The following CADM2 variants were observed in gnomAD, a reference collection of about 807,000 sequenced individuals.
CADM2 encodes the protein cell adhesion molecule 2.
Under a neutral mutation model 49.8 loss-of-function variants are expected in CADM2, and 12 were observed. The ratio of observed to expected loss-of-function variants is 0.24; its 90% CI spans 0.15 to 0.39. The LOEUF is 0.39. CADM2 is among the 10% of genes least tolerant of loss of function. The probability of loss-of-function intolerance (pLI) is 1.00; values close to 1 mark genes in which losing one functional copy is unlikely to be tolerated. For synonymous variants in CADM2, 214 were observed against 175.4 expected, an observed-to-expected ratio of 1.22 and a Z score of -1.74; for missense variants, 378 against 492.3, an observed-to-expected ratio of 0.77 and a Z score of 2.20.
chr3:85,288,715 G>GT (rs2043697012), intron 1 of CADM2, among the ~76,000 whole-genome samples: 2 of 148,186 alleles, frequency 1.3e-5, no homozygotes, highest in African/African-American at 2.5e-5. Context: ...CAGTGTTGGT[G>GT]TATATTCCTT....
At chr3:85,995,099 C>A (rs112953732) in intron 8 of CADM2, among the ~76,000 whole-genome samples, 19 of 148,316 alleles carry the variant, frequency 1.3e-4, no homozygotes, top group African/African-American at 4.7e-4. Context: ...CACAAACAGA[C>A]AACAGCTGTT....
chr3:85,060,337 T>C (rs1258599044), intron 1 of CADM2, among the ~76,000 whole-genome samples: 2 of 151,768 alleles, frequency 1.3e-5, no homozygotes, highest in African/African-American at 4.8e-5. Flanking sequence ...AGGTTGGCCA[T>C]GCTGGTCTCG....
intron 1 of CADM2, among the ~76,000 whole-genome samples, chr3:85,433,506 C>T (rs549343119): frequency 6.6e-5 from 10 of 151,980 alleles, no homozygotes; most frequent in East Asian, 1.9e-4. Flanking sequence ...TGTGACTACC[C>T]GCCTGGAAAG....
chr3:85,962,643 G>T (rs4496477), intron 8 of CADM2, among the ~76,000 whole-genome samples: 1,685 of 151,872 alleles, frequency 0.011, 25 homozygotes, highest in African/African-American at 0.037. Flanking sequence ...GATGAATATT[G>T]CAATAAACAA....
chr3:85,534,562 T>A (rs2061386059), intron 1 of CADM2, among the ~76,000 whole-genome samples: 1 of 152,210 alleles, frequency 6.6e-6, no homozygotes, highest in Non-Finnish European at 1.5e-5. Context: ...CAGTATTATC[T>A]AAGACTGCTT....
intron 9 of CADM2, 108 bp downstream of exon 9, chr3:86,065,838 G>A (rs1205523910): frequency 2.9e-6 from 3 of 1,017,746 alleles, no homozygotes; most frequent in Non-Finnish European, 4.1e-6. Context: ...GTGTAGAATA[G>A]GGAGATAGAG....
At chr3:85,123,411 G>A (rs2038928874) in intron 1 of CADM2, among the ~76,000 whole-genome samples, 2 of 151,908 alleles carry the variant, frequency 1.3e-5, no homozygotes, top group South Asian at 4.1e-4. Context: ...AATCTTTTTT[G>A]GTGTAGGCTG....
intron 3 of CADM2, among the ~76,000 whole-genome samples, chr3:85,843,439 A>T (rs563551054): frequency 1.1e-4 from 17 of 151,840 alleles, no homozygotes; most frequent in African/African-American, 3.6e-4. Flanking sequence ...AATAGGATAT[A>T]TGGTGATTCT....
chr3:85,629,869 AT>A (rs1365873053), intron 1 of CADM2, among the ~76,000 whole-genome samples: 1 of 151,962 alleles, frequency 6.6e-6, no homozygotes, highest in Non-Finnish European at 1.5e-5. Flanking sequence ...AAACTTCTCA[AT>A]TTTTTCATGT....
chr3:85,206,690 T>C (rs1204833505), intron 1 of CADM2, among the ~76,000 whole-genome samples: 1 of 152,182 alleles, frequency 6.6e-6, no homozygotes, highest in African/African-American at 2.4e-5. Flanking sequence ...TAAGAAGTTA[T>C]GCTTTTCATT....
chr3:86,018,730 T>C (rs1455961104), intron 8 of CADM2, among the ~76,000 whole-genome samples: 1 of 152,168 alleles, frequency 6.6e-6, no homozygotes, highest in East Asian at 1.9e-4. Flanking sequence ...GGTTGTTTGG[T>C]TTATTCTTGT....
chr3:85,991,257 C>G (rs1728740195), intron 8 of CADM2, among the ~76,000 whole-genome samples: 1 of 152,128 alleles, frequency 6.6e-6, no homozygotes, highest in South Asian at 2.1e-4. Flanking sequence ...ACTTCTTTGG[C>G]TCCTCATTTT....
intron 1 of CADM2, among the ~76,000 whole-genome samples, chr3:85,609,194 G>A (rs1335392081): frequency 6.6e-6 from 1 of 151,984 alleles, no homozygotes; most frequent in African/African-American, 2.4e-5. Context: ...AGATTCTCAT[G>A]AGTGTGAAGA....
At chr3:85,763,750 C>T (rs1559640275) in intron 2 of CADM2, among the ~76,000 whole-genome samples, 2 of 152,072 alleles carry the variant, frequency 1.3e-5, no homozygotes, top group Non-Finnish European at 2.9e-5. Context: ...CATTTCTTTC[C>T]TCCCATAGCT....
At chr3:85,561,074 G>T (rs561460280) in intron 1 of CADM2, among the ~76,000 whole-genome samples, 2 of 152,216 alleles carry the variant, frequency 1.3e-5, no homozygotes, top group South Asian at 4.1e-4. Context: ...TCTCCAAAAA[G>T]AATAAAAATG....
intron 1 of CADM2, among the ~76,000 whole-genome samples, chr3:85,312,824 T>A (rs2044378874): frequency 6.6e-6 from 1 of 152,168 alleles, no homozygotes; most frequent in South Asian, 2.1e-4. Context: ...CCTCAGGACA[T>A]TATTAATAAA....
At chr3:85,032,038 T>C (rs894572697) in intron 1 of CADM2, among the ~76,000 whole-genome samples, 4 of 152,266 alleles carry the variant, frequency 2.6e-5, no homozygotes, top group South Asian at 2.1e-4. Context: ...AATTATGTGT[T>C]TTATTAATTT....
At chr3:85,262,230 T>G (rs2043027784) in intron 1 of CADM2, among the ~76,000 whole-genome samples, 1 of 152,134 alleles carries the variant, frequency 6.6e-6, no homozygotes, top group African/African-American at 2.4e-5. Flanking sequence ...AAATGATACA[T>G]TAGGCATTTT....
At chr3:85,409,252 C>CT (rs36089408) in intron 1 of CADM2, among the ~76,000 whole-genome samples, 2 of 151,992 alleles carry the variant, frequency 1.3e-5, no homozygotes, top group African/African-American at 2.4e-5. Flanking sequence ...ATGTACTTGC[C>CT]TTTTTGTGTA....
Sources: gnomAD v4.1 joint callset for allele counts (sites outside exome capture counted in the v4.1 genomes callset) on GRCh38, gnomAD v4.1.1 for gene constraint, MANE v1.5 for transcripts, NCBI Gene and HGNC (gene_info 2026-07-23, HGNC 2026-07-21) for gene names.